Variants in MCTP1 observed in about 807,000 individuals in gnomAD.
MCTP1 encodes the protein multiple C2 and transmembrane domain containing 1, also known as multiple C2 and transmembrane domain-containing protein 1.
MCTP1 carries 69 observed loss-of-function variants against 120.6 expected under a neutral mutation model. The ratio of observed to expected loss-of-function variants is 0.57; its 90% CI spans 0.47 to 0.70. The LOEUF is 0.70. MCTP1 is among the 30% of genes least tolerant of loss of function. MCTP1 has a pLI of 0.00. For synonymous variants in MCTP1, 529 were observed against 493.1 expected (o/e 1.07, Z -0.96); for missense variants, 1,203 against 1,248.8 (o/e 0.96, Z 0.55).
At chr5:95,130,890 A>C (rs1758992245) in intron 1 of MCTP1, among the ~76,000 whole-genome samples, 1 of 152,226 alleles carries the variant, frequency 6.6e-6, no homozygotes, top group Non-Finnish European at 1.5e-5. Context: ...GGCTAGGTGC[A>C]AGGAATTAGA....
chr5:95,147,377 C>T (rs780826518), intron 1 of MCTP1, among the ~76,000 whole-genome samples: 31 of 152,174 alleles, frequency 2.0e-4, no homozygotes, highest in Admixed American at 7.9e-4. Flanking sequence ...TGAGCCACCG[C>T]GCCCAGCTAT....
chr5:95,099,492 T>C (rs901065678), intron 1 of MCTP1, among the ~76,000 whole-genome samples: 2 of 152,104 alleles, frequency 1.3e-5, no homozygotes, highest in African/African-American at 2.4e-5. Flanking sequence ...CAAAAGAAGA[T>C]ATTTATGCAG....
intron 1 of MCTP1, among the ~76,000 whole-genome samples, chr5:95,120,731 C>T (rs564893298): frequency 1.3e-5 from 2 of 152,204 alleles, no homozygotes; most frequent in Non-Finnish European, 2.9e-5. Context: ...TAGTATAATA[C>T]TGAATGGGGA....
In MCTP1 at chr5:94,704,514, G is replaced by T. The variant is rs758138578; in HGVS notation, c.*2982C>A. The T allele has an allele frequency of 4.6e-4, 69 of 151,128 alleles. No homozygotes were observed. Among genetic ancestry groups the T allele is most frequent in the Non-Finnish European group, 8.3e-4 (56 of 67,554 alleles). 9.4% of individuals were successfully genotyped at this position (151,128 alleles called of 1,614,324 possible). A position where few individuals can be genotyped will look rare whatever the true frequency, so the allele number is the denominator to read the frequency against. ...GATATGAGATCAAAGTGGAAAAAAA[G>T]CTCCTGTGGTCCCTAGATAAGCATT... On this transcript the variant is annotated 3_prime_UTR_variant, in exon 23 of 23. Coordinates refer to ENST00000515393, the MANE Select transcript of MCTP1 (RefSeq NM_024717.7).
rs1023259603 is a variant in MCTP1, at chr5:94,782,845, G to A, written c.2557-3682C>T. 3.9e-5 allele frequency among the ~76,000 whole-genome samples: 6 copies of A among 152,052 alleles called. No homozygotes were observed. The South Asian group carries it at 6.2e-4, about 16-fold the overall frequency. Reference sequence around the variant, plus strand: ...TGAAGGGGAAAAAATGAAGAGTGACGAAAAATCATGTAGTAGAAAAGATAC... The same window carrying A: ...TGAAGGGGAAAAAATGAAGAGTGACAAAAAATCATGTAGTAGAAAAGATAC... On this transcript the variant is annotated intron_variant, in intron 18 of 22. Transcript: ENST00000515393.
At chr5:95,121,936 C>CCA (rs1758272438) in intron 1 of MCTP1, among the ~76,000 whole-genome samples, 1 of 112,746 alleles carries the variant, frequency 8.9e-6, no homozygotes, top group East Asian at 3.0e-4. Flanking sequence ...TATCCATATG[C>CCA]AAAAAAAAAA....
chr5:95,045,032 C>T (rs1328495203), intron 1 of MCTP1, among the ~76,000 whole-genome samples: 9 of 152,098 alleles, frequency 5.9e-5, no homozygotes, highest in Non-Finnish European at 1.2e-4. Context: ...CTCACAAAGC[C>T]CTACACAATC....
chr5:95,233,565 G>A (rs1031168480), intron 1 of MCTP1, among the ~76,000 whole-genome samples: 8 of 152,208 alleles, frequency 5.3e-5, no homozygotes, highest in Non-Finnish European at 1.0e-4. Flanking sequence ...TCCTGACCTC[G>A]TGATCCGCCC....
rs1486671953 is a variant in MCTP1, at chr5:94,706,110, A to G, written c.*1386T>C. ...AATATACATTTCTTTTAGCTTTTCT[A>G]TAGTTTTTCCAGTATAACCCCCACT... On this transcript the variant is annotated 3_prime_UTR_variant, in exon 23 of 23. Coordinates refer to ENST00000515393, the MANE Select transcript of MCTP1 (RefSeq NM_024717.7). 6.6e-6 allele frequency: 1 copy of G among 151,628 alleles called. No individual in the cohort carries two copies. Among genetic ancestry groups the G allele is most frequent in the Non-Finnish European group, 1.5e-5 (1 of 67,714 alleles). 9.4% of individuals were successfully genotyped at this position (151,628 alleles called of 1,614,324 possible).
chr5:94,790,340 G>A, intron 18 of MCTP1, among the ~76,000 whole-genome samples: 1 of 152,350 alleles, frequency 6.6e-6, no homozygotes, highest in Admixed American at 6.5e-5. Context: ...CAACCAGTGG[G>A]TGCGGCACGC....
At chr5:94,748,670 C>G (rs1490609452) in intron 19 of MCTP1, among the ~76,000 whole-genome samples, 1 of 152,186 alleles carries the variant, frequency 6.6e-6, no homozygotes, top group Non-Finnish European at 1.5e-5. Flanking sequence ...TGCACATTTA[C>G]TTTTTGAGCA....
intron 1 of MCTP1, among the ~76,000 whole-genome samples, chr5:95,063,336 T>C (rs1050606080): frequency 6.6e-6 from 1 of 152,194 alleles, no homozygotes; most frequent in Non-Finnish European, 1.5e-5. Context: ...CTAGTTCCCC[T>C]TCATTGTACT....
At chr5:95,111,601 C>T (rs1253843698) in intron 1 of MCTP1, among the ~76,000 whole-genome samples, 4 of 152,120 alleles carry the variant, frequency 2.6e-5, no homozygotes, top group Non-Finnish European at 5.9e-5. Context: ...CATCAAATAT[C>T]AAGGTCAGAT....
intron 1 of MCTP1, among the ~76,000 whole-genome samples, chr5:95,179,040 A>AT: frequency 6.6e-6 from 1 of 152,216 alleles, no homozygotes; most frequent in South Asian, 2.1e-4. Flanking sequence ...ATGCATTGGA[A>AT]AGTCTCAGTA....
intron 16 of MCTP1, among the ~76,000 whole-genome samples, 153 bp from the exon 17 acceptor site, chr5:94,868,605 G>T (rs890860509): frequency 4.6e-5 from 7 of 151,848 alleles, no homozygotes; most frequent in African/African-American, 1.2e-4. Context: ...ACAAGTTAAA[G>T]AATTTATTTC....
At chr5:95,110,313 T>C (rs1231131318) in intron 1 of MCTP1, among the ~76,000 whole-genome samples, 3 of 152,114 alleles carry the variant, frequency 2.0e-5, no homozygotes, top group Non-Finnish European at 4.4e-5. Context: ...GGTGGGGCCA[T>C]GTGACTGGTT....
At chr5:94,784,920 C>G (rs1443342420) in intron 18 of MCTP1, 1 of 152,022 alleles carries the variant, frequency 6.6e-6, no homozygotes, top group East Asian at 1.9e-4. Context: ...GGAAGTGCCA[C>G]GTTGTAATTT....
chr5:95,244,899 A>G (rs1407711647), intron 1 of MCTP1, among the ~76,000 whole-genome samples: 1 of 152,128 alleles, frequency 6.6e-6, no homozygotes, highest in African/African-American at 2.4e-5. Context: ...GTGTCGCCTG[A>G]CTGGGAAACC....
rs551605078 is a variant in MCTP1 at position 94,811,895 on chromosome 5, C to A, written c.2437-12763G>T. On this transcript the variant is annotated intron_variant, in intron 17 of 22. Transcript: ENST00000515393. ...TTCATTTTCAGAAAAGCTTTCACTT[C>A]ATTGACATGGAGATGCCGAGATGTA... Among the ~76,000 whole-genome samples the A allele has an allele frequency of 2.6e-4, 39 of 152,282 alleles. 1 individual carries two copies. The highest frequency in any genetic ancestry group is 9.1e-4 in the African/African-American group (38 of 41,564).
Sources: gnomAD v4.1 joint callset for allele counts (sites outside exome capture counted in the v4.1 genomes callset) on GRCh38, gnomAD v4.1.1 for gene constraint, MANE v1.5 for transcripts, NCBI Gene and HGNC (gene_info 2026-07-23, HGNC 2026-07-21) for gene names.